The following DDX60L variants were observed in gnomAD, a reference collection of about 807,000 sequenced individuals.
DDX60L encodes the protein probable ATP-dependent RNA helicase DDX60-like.
A neutral mutation model predicts 211.6 loss-of-function variants in DDX60L; 191 were observed. The observed-to-expected ratio is 0.90, with a 90% CI of 0.80 to 1.02. DDX60L has a LOEUF of 1.02. Ranked by LOEUF, DDX60L falls within the 50% of genes least tolerant of loss-of-function variation. DDX60L has a pLI of 0.00. For missense variants in DDX60L, 2,007 were observed against 1,984.1 expected, an observed-to-expected ratio of 1.01 and a Z score of -0.22; for synonymous variants, 706 against 694.1, an observed-to-expected ratio of 1.02 and a Z score of -0.27.
At chr4:168,430,375 A>G (rs1752160721) in intron 13 of DDX60L, 103 bp downstream of exon 13, 2 of 1,010,744 alleles carry the variant, frequency 2.0e-6, no homozygotes, top group Middle Eastern at 2.4e-4. Flanking sequence ...GTTAGCAAAC[A>G]TGAGAAAGAA....
intron 36 of DDX60L, among the ~76,000 whole-genome samples, chr4:168,365,675 A>C (rs1739856677): frequency 6.6e-6 from 1 of 152,056 alleles, no homozygotes; most frequent in Non-Finnish European, 1.5e-5. Flanking sequence ...TTTTTTTACA[A>C]GACCAACATT....
intron 25 of DDX60L, among the ~76,000 whole-genome samples, chr4:168,402,296 T>C (rs1746974877): frequency 6.6e-6 from 1 of 152,114 alleles, no homozygotes; most frequent in Admixed American, 6.5e-5. Flanking sequence ...ATACTACTGG[T>C]TGCAAACAGT....
At chr4:168,381,694 C>T (rs1255993484) in intron 30 of DDX60L, among the ~76,000 whole-genome samples, 1 of 151,810 alleles carries the variant, frequency 6.6e-6, no homozygotes, top group Admixed American at 6.6e-5. Flanking sequence ...TACAAGAAAA[C>T]AGCAATCAGT....
Position 168,396,122 on chromosome 4 carries a change from G to C in DDX60L, c.3494C>G (p.Thr1165Ser). ...EKVRKTQKRI[T>S]KKNPKKAEKL... Reference sequence around the variant, plus strand: ...TTCAGCCTTCTTTGGGTTTTTTTTAGTGCTACTATTTAAAAAAAAAAAAAA... The same window carrying C: ...TTCAGCCTTCTTTGGGTTTTTTTTACTGCTACTATTTAAAAAAAAAAAAAA... The change falls in exon 27 of 38, where the codon ACT (threonine) becomes AGT (serine). Residue 1165 changes from threonine (T) to serine (S), a missense_variant and splice_region_variant. Physicochemically the swap from Thr to Ser is moderately conservative, Grantham distance 58. Coordinates refer to ENST00000682922, the MANE Select transcript of DDX60L (RefSeq NM_001012967.3). The C allele has an allele frequency of 7.4e-7, 1 of 1,355,392 alleles. No homozygotes were observed. The highest frequency in any genetic ancestry group is 9.8e-7 in the Non-Finnish European group (1 of 1,023,724). 84.0% of individuals were successfully genotyped at this position (1,355,392 alleles called of 1,614,324 possible).
chr4:168,412,703 T>C (rs1302420822), intron 22 of DDX60L, among the ~76,000 whole-genome samples: 3 of 152,198 alleles, frequency 2.0e-5, no homozygotes, highest in Admixed American at 6.5e-5. Flanking sequence ...ACAATGATTA[T>C]TGTGAGCCTA....
chr4:168,468,170 T>TAATAAATAAATAAATAAATAAATA (rs74385831), intron 4 of DDX60L, among the ~76,000 whole-genome samples: 199 of 150,216 alleles, frequency 1.3e-3, no homozygotes, highest in East Asian at 3.0e-3. Flanking sequence ...CCATCTCAAA[T>TAATAAATAAATAAATAAATAAATA]AATAAATAAA....
At chr4:168,471,702 T>C in intron 4 of DDX60L, 45 bp downstream of exon 4, 1 of 1,455,290 alleles carries the variant, frequency 6.9e-7, no homozygotes, top group Non-Finnish European at 9.3e-7. Context: ...ACATTTCAGT[T>C]ATAGTCTTCA....
intron 25 of DDX60L, among the ~76,000 whole-genome samples, chr4:168,401,737 T>G (rs547881969): frequency 6.6e-6 from 1 of 152,324 alleles, no homozygotes; most frequent in Non-Finnish European, 1.5e-5. Context: ...GAATACTACT[T>G]GTGAGGCCAT....
rs1275426719 is a variant in DDX60L at position 168,415,408 on chromosome 4, A to G, written c.2979T>C (p.Ile993=). ...AGGACAAATACACTTTTATACTTACAATATCTGTCGTTAGCGCAGCACAGG... is the reference window on the plus strand; with the variant it reads ...AGGACAAATACACTTTTATACTTACGATATCTGTCGTTAGCGCAGCACAGG... The part of the protein sequence containing the change: ...FHPCAALTTD[I]IEKYGFPPDL... Residue 993 remains isoleucine, a splice_region_variant and synonymous_variant, in exon 22 of 38, where the codon ATT becomes ATC. Coordinates refer to ENST00000682922, the MANE Select transcript of DDX60L (RefSeq NM_001012967.3). 6.3e-7 allele frequency: 1 copy of G among 1,591,618 alleles called. No homozygotes were observed. The highest frequency in any genetic ancestry group is 8.6e-7 in the Non-Finnish European group (1 of 1,167,152).
In DDX60L at chr4:168,448,800, A is replaced by G. The variant is rs192148403; in HGVS notation, c.997-21T>C. The G allele has an allele frequency of 5.1e-5, 82 of 1,593,556 alleles. No individual in the cohort carries two copies. The African/African-American group carries it at 5.5e-4, about 11-fold the overall frequency. ...TTGTTCTGAAAATTAAAAATAAAAC[A>G]TTATTAGCAGGGAGGCATGGAATAA... On this transcript the variant is annotated intron_variant, in intron 8 of 37. Coordinates refer to ENST00000682922, the MANE Select transcript of DDX60L (RefSeq NM_001012967.3).
At chr4:168,428,857 T>A (rs775717658) in intron 13 of DDX60L, among the ~76,000 whole-genome samples, 4 of 152,196 alleles carry the variant, frequency 2.6e-5, no homozygotes, top group Non-Finnish European at 2.9e-5. Flanking sequence ...ATTATCTTTT[T>A]AAATTTTTTT....
chr4:168,424,001 T>TG (rs1167939875), intron 14 of DDX60L, among the ~76,000 whole-genome samples: 2 of 152,188 alleles, frequency 1.3e-5, no homozygotes, highest in African/African-American at 4.8e-5. Flanking sequence ...TAGACATAGC[T>TG]GGGTAAGTAT....
Position 168,441,344 on chromosome 4 carries a change from G to A in DDX60L, c.1287C>T (p.Val429=), listed in dbSNP as rs1350270293. Residue 429 remains valine, a synonymous_variant, in exon 10 of 38, where the codon GTC becomes GTT. Transcript: ENST00000682922. ...RRHFLRQEKS[V]IQEISLEKMP... is the part of the protein sequence containing the mutation. The stretch of plus-strand genomic sequence containing the variant: ...AATTTACCCATTTAGTACCTTGAAT[G>A]ACCGATTTCTCTTGTCTAAGAAAAT... 1.2e-6 allele frequency: 2 copies of A among 1,604,746 alleles called. No individual in the cohort carries two copies. The highest frequency in any genetic ancestry group is 2.2e-5 in the South Asian group (2 of 89,486).
rs1741434942 is a variant in DDX60L at position 168,373,720 on chromosome 4, A to G, written c.4722T>C (p.Val1574=). 1.9e-6 allele frequency: 3 copies of G among 1,614,088 alleles called. 1 individual carries two copies. Among genetic ancestry groups the G allele is most frequent in the Non-Finnish European group, 2.5e-6 (3 of 1,179,944 alleles). Residue 1574 remains valine, a synonymous_variant, in exon 35 of 38, where the codon GTT becomes GTC. Transcript: ENST00000682922. ...CATTATCTGTGTTCCCCGAAAGACA[A>G]ACAAATGGTGAAATGGCTACTCTTC... ...KKGRVAISPF[V]CLSGNTDNDL...
chr4:168,407,621 A>G (rs1445979553), intron 22 of DDX60L, among the ~76,000 whole-genome samples: 2 of 152,242 alleles, frequency 1.3e-5, no homozygotes, highest in Non-Finnish European at 2.9e-5. Flanking sequence ...AGAAAGGGAC[A>G]GGATATCACA....
chr4:168,442,975 C>T (rs1754177655), intron 9 of DDX60L, among the ~76,000 whole-genome samples: 1 of 152,200 alleles, frequency 6.6e-6, no homozygotes, highest in Non-Finnish European at 1.5e-5. Flanking sequence ...AGCGCCTCTC[C>T]TCCTCCAAAG....
At chr4:168,455,802 AC>A (rs1756490133) in intron 7 of DDX60L, among the ~76,000 whole-genome samples, 1 of 152,218 alleles carries the variant, frequency 6.6e-6, no homozygotes, top group African/African-American at 2.4e-5. Flanking sequence ...TAAGAAAAAC[AC>A]TAAATTACGT....
Position 168,427,291 on chromosome 4 carries a change from C to T in DDX60L, c.1709G>A (p.Ser570Asn), listed in dbSNP as rs769692975. The T allele has an allele frequency of 2.5e-6, 4 of 1,613,316 alleles. No homozygotes were observed. The highest frequency in any genetic ancestry group is 3.3e-5 in the Admixed American group (2 of 59,972). ...TTCTTTGAGAAATGACTTTTTCTTA[C>T]TCTTTTTGGTAATTTGGTGGGGTTT... The part of the protein sequence containing the change: ...NTKPHQITKK[S>N]KKKSFLKEDQ... Residue 570 changes from serine to asparagine, a missense_variant, in exon 14 of 38, where the codon AGT becomes AAT. Physicochemically the swap from Ser to Asn is conservative, Grantham distance 46 (BLOSUM62 1). Coordinates refer to ENST00000682922, the MANE Select transcript of DDX60L (RefSeq NM_001012967.3).
rs564570332 is a variant in DDX60L, at chr4:168,453,231, G to A, written c.889C>T (p.Arg297Cys). ...AGTTGAAAAGCCACACAGAGGCAACGCAGTCTGCAGAAATCTTCCACCTCC... is the reference window on the plus strand; with the variant it reads ...AGTTGAAAAGCCACACAGAGGCAACACAGTCTGCAGAAATCTTCCACCTCC... ...LQEVEDFCRLRCLCVAFQLHL... is the reference protein window; with the variant it reads ...LQEVEDFCRLCCLCVAFQLHL... Residue 297 changes from arginine to cysteine, a missense_variant, in exon 8 of 38, where the codon CGT becomes TGT. Physicochemically the swap from Arg to Cys is radical, Grantham distance 180. Transcript: ENST00000682922. The A allele has an allele frequency of 9.3e-6, 15 of 1,612,936 alleles. No individual in the cohort carries two copies. Among genetic ancestry groups the A allele is most frequent in the African/African-American group, 5.3e-5 (4 of 74,994 alleles).
Sources: gnomAD v4.1 joint callset for allele counts (sites outside exome capture counted in the v4.1 genomes callset) on GRCh38, gnomAD v4.1.1 for gene constraint, MANE v1.5 for transcripts, NCBI Gene and HGNC (gene_info 2026-07-23, HGNC 2026-07-21) for gene names.